ATP2B2: variants seen among roughly 807,000 people sequenced by gnomAD.
ATP2B2 encodes ATPase plasma membrane Ca2+ transporting 2, also known as plasma membrane calcium-transporting ATPase 2.
Under a neutral mutation model 120.0 loss-of-function variants are expected in ATP2B2, and 15 were observed. That is an observed-to-expected ratio of 0.12 (90% CI 0.08 to 0.19). The LOEUF is 0.19. Ranked by LOEUF, ATP2B2 falls within the 10% of genes least tolerant of loss-of-function variation. ATP2B2 has a pLI of 1.00. For synonymous variants in ATP2B2, 694 were observed against 700.3 expected, an observed-to-expected ratio of 0.99 and a Z score of 0.14; for missense variants, 1,045 against 1,719.8, an observed-to-expected ratio of 0.61 and a Z score of 6.94.
chr3:10,464,329 TCCCAGGGGACACAGG>T (rs1314641786), intron 1 of ATP2B2, among the ~76,000 whole-genome samples: 2 of 152,082 alleles, frequency 1.3e-5, no homozygotes, highest in Admixed American at 1.3e-4. Flanking sequence ...GAATGCAGCC[TCCCAGGGGACACAGG>T]CCCAGGGGAC....
chr3:10,648,076 T>G (rs1028749550), intron 1 of ATP2B2, among the ~76,000 whole-genome samples: 1 of 152,166 alleles, frequency 6.6e-6, no homozygotes, highest in Non-Finnish European at 1.5e-5. Context: ...GGCATATAAG[T>G]TGGGAGGAGA....
At chr3:10,518,821 C>G (rs79171752) in intron 3 of ATP2B2, among the ~76,000 whole-genome samples, 2 of 152,150 alleles carry the variant, frequency 1.3e-5, no homozygotes, top group East Asian at 3.9e-4. Flanking sequence ...TCCCCTCTGT[C>G]GGGGACAGGT....
chr3:10,420,995 G>T (rs749724013), intron 2 of ATP2B2, among the ~76,000 whole-genome samples: 1 of 152,198 alleles, frequency 6.6e-6, no homozygotes, highest in Non-Finnish European at 1.5e-5. Context: ...AGTGGTCCCT[G>T]GAGCGGCGGC....
Position 10,449,570 on chromosome 3 carries a change from G to A in ATP2B2, c.-27C>T. 1 of 1,613,954 alleles carries A rather than the reference G, an allele frequency of 6.2e-7. No homozygotes were observed. Among genetic ancestry groups the A allele is most frequent in the African/African-American group, 1.3e-5 (1 of 75,044 alleles). On this transcript the variant is annotated 5_prime_UTR_variant, in exon 2 of 23. Coordinates refer to ENST00000360273, the MANE Select transcript of ATP2B2 (RefSeq NM_001001331.4). ...TTTGCTGCGGTCCTTGCTCGGGCTG[G>A]GCCCAAGGGTCAGCGCTGGACAAGA...
At chr3:10,411,489 T>C (rs921184637) in intron 2 of ATP2B2, among the ~76,000 whole-genome samples, 1 of 152,182 alleles carries the variant, frequency 6.6e-6, no homozygotes, top group Non-Finnish European at 1.5e-5. Context: ...CTCCCTCCTG[T>C]CGAATGCCGC....
rs191201023 is a variant in ATP2B2 at position 10,398,005 on chromosome 3, T to C, written c.781+2948A>G. 9.7e-4 allele frequency among the ~76,000 whole-genome samples: 147 copies of C among 152,314 alleles called. No homozygotes were observed. The Middle Eastern group carries it at 0.02, about 21-fold the overall frequency. ...TTTGCCCTGCTGACTCCCACGCAAT[T>C]GCATTTCTGATGCCAGGGCTTCAGG... is the stretch of plus-strand genomic sequence containing the variant. On this transcript the variant is annotated intron_variant, in intron 5 of 22. Transcript: ENST00000360273.
At chr3:10,681,948 T>C (rs1316493830) in intron 1 of ATP2B2, among the ~76,000 whole-genome samples, 1 of 152,184 alleles carries the variant, frequency 6.6e-6, no homozygotes, top group Non-Finnish European at 1.5e-5. Context: ...GTACTTGTTA[T>C]ATGAATGGAT....
At chr3:10,553,344 C>T (rs1415012065) in intron 2 of ATP2B2, among the ~76,000 whole-genome samples, 1 of 152,100 alleles carries the variant, frequency 6.6e-6, no homozygotes, top group Non-Finnish European at 1.5e-5. Context: ...ATGCCTGACA[C>T]AGAGAGGGAC....
chr3:10,445,406 G>A (rs1047444980), intron 2 of ATP2B2, among the ~76,000 whole-genome samples: 1 of 152,222 alleles, frequency 6.6e-6, no homozygotes. Context: ...GAACAGTAGA[G>A]GTAAGAAGAT....
Position 10,620,224 on chromosome 3 carries a change from G to A in ATP2B2, c.-459-263C>T, listed in dbSNP as rs1267989984. On this transcript the variant is annotated intron_variant, in intron 1 of 21. Transcript: ENST00000646379. The stretch of plus-strand genomic sequence containing the variant: ...GCTGTGACCTGCACAGCTCAGTTGC[G>A]CCTCCTTCCTGGAGACAAATCTCCC... Among the ~76,000 whole-genome samples, 5 of 152,150 alleles carry A rather than the reference G, an allele frequency of 3.3e-5. No homozygotes were observed. In the East Asian group the frequency reaches 7.7e-4, roughly 23 times the overall value.
rs1575567807 is a variant in ATP2B2 at position 10,622,664 on chromosome 3, G to A, written c.-459-2703C>T. ...TTGCCCTTCTAAATTGCAGGTGACC[G>A]CACTTCTCACCCTGGATCCTCTTAC... On this transcript the variant is annotated intron_variant, in intron 1 of 21. Transcript: ENST00000646379. 2.6e-5 allele frequency among the ~76,000 whole-genome samples: 4 copies of A among 152,276 alleles called. 1 individual carries two copies. The Middle Eastern group carries it at 0.01, about 388-fold the overall frequency.
At chr3:10,338,473 A>T in intron 21 of ATP2B2, 115 bp from the exon 22 acceptor site, 1 of 1,044,962 alleles carries the variant, frequency 9.6e-7, no homozygotes, top group Non-Finnish European at 1.5e-6. Context: ...GCATGTGATC[A>T]ATCTACTCCT....
chr3:10,403,791 A>C (rs945176203), intron 3 of ATP2B2, among the ~76,000 whole-genome samples: 2 of 152,190 alleles, frequency 1.3e-5, no homozygotes, highest in Non-Finnish European at 2.9e-5. Flanking sequence ...GTTCAGAGAG[A>C]AGCAGAGACT....
intron 14 of ATP2B2, among the ~76,000 whole-genome samples, chr3:10,353,938 C>T (rs1483881931): frequency 6.6e-6 from 1 of 152,156 alleles, no homozygotes; most frequent in Non-Finnish European, 1.5e-5. Flanking sequence ...CACACAGAGC[C>T]CACGCACAGG....
chr3:10,377,247 C>G (rs2061406916), intron 10 of ATP2B2, among the ~76,000 whole-genome samples: 1 of 152,176 alleles, frequency 6.6e-6, no homozygotes, highest in African/African-American at 2.4e-5. Flanking sequence ...GAGGAAATCC[C>G]TGGGCCCATA....
intron 2 of ATP2B2, among the ~76,000 whole-genome samples, chr3:10,434,572 T>G (rs1040251468): frequency 6.6e-6 from 1 of 152,256 alleles, no homozygotes; most frequent in Non-Finnish European, 1.5e-5. Flanking sequence ...TAGGCATATC[T>G]GGACCCCTTT....
upstream of ATP2B2, among the ~76,000 whole-genome samples, chr3:10,506,941 C>T (rs752509857): frequency 2.6e-5 from 4 of 152,218 alleles, no homozygotes; most frequent in Non-Finnish European, 5.9e-5. Flanking sequence ...AGAACCCGGC[C>T]GTGCAGAGGG....
chr3:10,606,356 G>T (rs923981203), intron 2 of ATP2B2, among the ~76,000 whole-genome samples: 5 of 152,166 alleles, frequency 3.3e-5, no homozygotes, highest in Non-Finnish European at 7.3e-5. Context: ...AGCCTGGCTT[G>T]TGTTTAATAG....
intron 1 of ATP2B2, among the ~76,000 whole-genome samples, chr3:10,496,661 C>T (rs1266594544): frequency 6.6e-6 from 1 of 152,194 alleles, no homozygotes; most frequent in African/African-American, 2.4e-5. Context: ...CACGCAGACA[C>T]TAGCTCCACC....
Sources: allele counts gnomAD v4.1 joint callset (sites outside exome capture counted in the v4.1 genomes callset), GRCh38; gene constraint gnomAD v4.1.1; transcripts MANE v1.5; gene names NCBI Gene and HGNC (gene_info 2026-07-23, HGNC 2026-07-21).